CALCRL: variants seen among roughly 807,000 people sequenced by gnomAD.
CALCRL encodes calcitonin receptor like receptor, also known as calcitonin gene-related peptide type 1 receptor.
Under a neutral mutation model 60.4 loss-of-function variants are expected in CALCRL, and 27 were observed. That is an observed-to-expected ratio of 0.45 (90% CI 0.33 to 0.62). The LOEUF is 0.62. Among genes scored for constraint, CALCRL ranks in the 20% least tolerant of loss-of-function variants. The probability of loss-of-function intolerance (pLI) is 0.03; values close to 1 mark genes in which losing one functional copy is unlikely to be tolerated. For synonymous variants in CALCRL, 190 were observed against 182.6 expected (o/e 1.04, Z -0.33); for missense variants, 424 against 540.7 (o/e 0.78, Z 2.14).
chr2:187,358,196 A>T (rs1008100210), intron 12 of CALCRL, among the ~76,000 whole-genome samples: 8 of 152,028 alleles, frequency 5.3e-5, no homozygotes, highest in African/African-American at 1.4e-4. Flanking sequence ...ATAAAAAAAA[A>T]TTTTTAAAAA....
intron 4 of CALCRL, among the ~76,000 whole-genome samples, chr2:187,383,989 C>T (rs939747713): frequency 2.1e-5 from 2 of 96,872 alleles, no homozygotes; most frequent in South Asian, 3.4e-4. Flanking sequence ...ATATGAAGCC[C>T]GAATAGACCT....
At chr2:187,388,007 T>A (rs1174866295) in intron 1 of CALCRL, among the ~76,000 whole-genome samples, 2 of 152,114 alleles carry the variant, frequency 1.3e-5, no homozygotes, top group Non-Finnish European at 2.9e-5. Flanking sequence ...GAAATGTACA[T>A]ATTTTCTATG....
intron 8 of CALCRL, among the ~76,000 whole-genome samples, chr2:187,370,110 T>C (rs571099949): frequency 1.3e-5 from 2 of 152,334 alleles, no homozygotes; most frequent in East Asian, 3.9e-4. Flanking sequence ...TGTTTTTAAA[T>C]TATTCCCATC....
At chr2:187,364,647 C>T (rs756776026) in intron 8 of CALCRL, among the ~76,000 whole-genome samples, 42 of 152,164 alleles carry the variant, frequency 2.8e-4, no homozygotes, top group East Asian at 5.8e-4. Context: ...TGGGATGCCA[C>T]GGTTTTCTAT....
intron 1 of CALCRL, among the ~76,000 whole-genome samples, chr2:187,418,284 C>G (rs1226687265): frequency 6.6e-6 from 1 of 152,118 alleles, no homozygotes; most frequent in Non-Finnish European, 1.5e-5. Context: ...AGAGATGCAG[C>G]TGAAGCTTAA....
chr2:187,428,463 A>C (rs1690247690), intron 1 of CALCRL: 1 of 152,220 alleles, frequency 6.6e-6, no homozygotes, highest in African/African-American at 2.4e-5. Flanking sequence ...TATGACCTAC[A>C]AGTCATTAAT....
At chr2:187,436,259 T>G (rs963123573) in intron 1 of CALCRL, among the ~76,000 whole-genome samples, 1 of 152,144 alleles carries the variant, frequency 6.6e-6, no homozygotes, top group Non-Finnish European at 1.5e-5. Context: ...AGGGCACACA[T>G]GCATCATTTA....
intron 4 of CALCRL, among the ~76,000 whole-genome samples, chr2:187,385,156 T>C (rs952206037): frequency 6.6e-6 from 1 of 152,220 alleles, no homozygotes; most frequent in African/African-American, 2.4e-5. Context: ...GTCAATCAAC[T>C]GGCAGAACGG....
chr2:187,347,941 T>A (rs1189000858), intron 14 of CALCRL, among the ~76,000 whole-genome samples: 1 of 151,798 alleles, frequency 6.6e-6, no homozygotes, highest in South Asian at 2.1e-4. Context: ...TAACTTCGTA[T>A]TGAAAGTTAC....
At chr2:187,355,173 A>C (rs572248853) in intron 12 of CALCRL, among the ~76,000 whole-genome samples, 14 of 152,226 alleles carry the variant, frequency 9.2e-5, no homozygotes, top group Admixed American at 8.5e-4. Flanking sequence ...CCATCATTAC[A>C]GATGAGAAAA....
intron 12 of CALCRL, among the ~76,000 whole-genome samples, chr2:187,358,424 A>G (rs1023236756): frequency 6.6e-6 from 1 of 152,140 alleles, no homozygotes; most frequent in Non-Finnish European, 1.5e-5. Flanking sequence ...TCCTGCAATT[A>G]CACTAAAATG....
chr2:187,360,793 A>G (rs1221917735), intron 9 of CALCRL, 42 bp from the exon 10 acceptor site: 8 of 1,564,148 alleles, frequency 5.1e-6, no homozygotes, highest in Non-Finnish European at 6.1e-6. Context: ...TTGTTTATGA[A>G]TTCACATGTA....
intron 1 of CALCRL, among the ~76,000 whole-genome samples, chr2:187,424,117 G>A (rs1477073702): frequency 1.3e-5 from 2 of 151,998 alleles, no homozygotes; most frequent in Non-Finnish European, 2.9e-5. Flanking sequence ...CTGGAGATAG[G>A]TGTCATATAA....
At chr2:187,390,209 C>A (rs1303009928) in intron 1 of CALCRL, among the ~76,000 whole-genome samples, 1 of 152,026 alleles carries the variant, frequency 6.6e-6, no homozygotes. Flanking sequence ...CAGTAGTTTT[C>A]TGTACTGCAT....
rs781191496 is a variant in CALCRL, at chr2:187,378,963, C to T, written c.477G>A (p.Ser159=). The T allele has an allele frequency of 6.9e-6, 11 of 1,601,494 alleles. No homozygotes were observed. The highest frequency in any genetic ancestry group is 1.3e-5 in the African/African-American group (1 of 74,748). The change falls in exon 8 of 15, where the codon TCG becomes TCA. Residue 159 remains serine (S), a synonymous_variant. Coordinates refer to ENST00000392370, the MANE Select transcript of CALCRL (RefSeq NM_005795.6). The part of the protein sequence containing the change: ...HGLSIASLLI[S]LGIFFYFKSL... The stretch of plus-strand genomic sequence containing the variant: ...ACTTGAAATAAAAGAATATGCCAAG[C>T]GAGATAAGCAGTGATGCAATAGACA...
Position 187,346,312 on chromosome 2 carries a change from A to G in CALCRL, c.1258T>C (p.Ser420Pro). 1 of 1,612,558 alleles carries G rather than the reference A, an allele frequency of 6.2e-7. No homozygotes were observed. The change falls in exon 15 of 15, where the codon TCT becomes CCT. Residue 420 changes from serine to proline, a missense_variant. Physicochemically the swap from Ser to Pro is moderately conservative, Grantham distance 74. Around this residue, in one of 7 missense-constraint regions of CALCRL, gnomAD observed 222 missense variants for 265.6 expected, o/e 0.84. Transcript: ENST00000392370. ...TCACTGATTGTTGACACTGTGTAAG[A>G]CGCACTACGAAGAGCTTCTGAGTTG... ...FSNSEALRSA[S>P]YTVSTISDGP...
chr2:187,354,506 A>G (rs1423095530), intron 12 of CALCRL, among the ~76,000 whole-genome samples: 2 of 152,048 alleles, frequency 1.3e-5, no homozygotes, highest in African/African-American at 4.8e-5. Flanking sequence ...TGATTAAAAT[A>G]TCTTATTTAT....
Position 187,371,124 on chromosome 2 carries a change from G to A in CALCRL, c.501-7622C>T, listed in dbSNP as rs570452378. Among the ~76,000 whole-genome samples the A allele has an allele frequency of 2.0e-5, 3 of 152,082 alleles. No individual in the cohort carries two copies. In the East Asian group the frequency reaches 5.8e-4, roughly 29 times the overall value. On this transcript the variant is annotated intron_variant, in intron 8 of 14. Transcript: ENST00000392370. ...GGGCATGGTGGCGGGCTCCTGCATA[G>A]TCCCAGCTACTCAGGAGGCTGAGGC...
intron 1 of CALCRL, among the ~76,000 whole-genome samples, chr2:187,396,293 C>T (rs978046445): frequency 7.2e-5 from 11 of 151,846 alleles, no homozygotes; most frequent in African/African-American, 2.7e-4. Flanking sequence ...GTCTAGTTCT[C>T]TCTTCTCCAC....
Sources: gnomAD v4.1 joint callset for allele counts (sites outside exome capture counted in the v4.1 genomes callset) on GRCh38, gnomAD v4.1.1 for gene constraint, gnomAD v4.1.1 regional missense constraint, MANE v1.5 for transcripts, NCBI Gene and HGNC (gene_info 2026-07-23, HGNC 2026-07-21) for gene names.